CMYA5: variants seen among roughly 807,000 people sequenced by gnomAD.
CMYA5 encodes cardiomyopathy associated 5.
CMYA5 carries 246 observed loss-of-function variants against 318.9 expected under a neutral mutation model. The observed-to-expected ratio is 0.77, with a 90% CI of 0.70 to 0.86. The LOEUF is 0.86. Ranked by LOEUF, CMYA5 falls within the 40% of genes least tolerant of loss-of-function variation. The pLI, the probability that CMYA5 is intolerant of heterozygous loss-of-function variation, is 0.00. For synonymous variants in CMYA5, 1,641 were observed against 1,729.5 expected (o/e 0.95, Z 1.27); for missense variants, 4,589 against 4,678.2 (o/e 0.98, Z 0.56).
intron 1 of CMYA5, among the ~76,000 whole-genome samples, chr5:79,713,303 ACCC>A: frequency 5.8e-5 from 1 of 17,254 alleles, no homozygotes; most frequent in African/African-American, 2.4e-4. Context: ...CCCCGCCCCC[ACCC>A]CCCACCCGCC....
rs558707542 is a variant in CMYA5 at position 79,713,822 on chromosome 5, T to C, written c.150-15093T>C. Among the ~76,000 whole-genome samples, 22 of 152,240 alleles carry C rather than the reference T, an allele frequency of 1.4e-4. No homozygotes were observed. The South Asian group carries it at 2.1e-3, about 14-fold the overall frequency. On this transcript the variant is annotated intron_variant, in intron 1 of 12. Coordinates refer to ENST00000446378, the MANE Select transcript of CMYA5 (RefSeq NM_153610.5). ...ATGCATGCGGCCCACATGTAGTATT[T>C]TGGTTCGGGAGGAGTAGGGGTAGGA...
Position 79,723,588 on chromosome 5 carries a change from C to T in CMYA5, c.150-5327C>T, listed in dbSNP as rs1299043096. 3.3e-5 allele frequency among the ~76,000 whole-genome samples: 5 copies of T among 151,412 alleles called. No homozygotes were observed. In the East Asian group the frequency reaches 5.9e-4, roughly 18 times the overall value. ...AACAACCTGGTGACATGTCAAGACT[C>T]CTGTCTCTACAAAAAATTAAAATAT... On this transcript the variant is annotated intron_variant, in intron 1 of 12. Coordinates refer to ENST00000446378, the MANE Select transcript of CMYA5 (RefSeq NM_153610.5).
Position 79,733,144 on chromosome 5 carries a change from T to C in CMYA5, c.4379T>C (p.Leu1460Ser). 6.2e-7 allele frequency: 1 copy of C among 1,613,876 alleles called. No individual in the cohort carries two copies. Among genetic ancestry groups the C allele is most frequent in the Non-Finnish European group, 8.5e-7 (1 of 1,179,830 alleles). ...SVSSIAEHSV[L>S]SEVEAKEVKA... The stretch of plus-strand genomic sequence containing the variant: ...TCCTCTATAGCAGAGCATTCTGTTT[T>C]GTCAGAAGTAGAAGCCAAAGAAGTT... Residue 1460 changes from leucine to serine, a missense_variant, in exon 2 of 13, where the codon TTG becomes TCG. Physicochemically the swap from Leu to Ser is moderately radical, Grantham distance 145 (BLOSUM62 -2). This residue lies in a region of CMYA5 where 2,132 missense variants were observed against 2,131.3 expected (regional missense o/e 1.00). Coordinates refer to ENST00000446378, the MANE Select transcript of CMYA5 (RefSeq NM_153610.5).
At position 79,731,001 on chromosome 5, in the gene CMYA5, G is replaced by A. The variant is rs1283818275; in HGVS notation, c.2236G>A (p.Val746Met). 6.2e-7 allele frequency: 1 copy of A among 1,613,988 alleles called. No individual in the cohort carries two copies. Among genetic ancestry groups the A allele is most frequent in the Non-Finnish European group, 8.5e-7 (1 of 1,179,888 alleles). ...AGACACTGGATCGTTTACTCCAGCT[G>A]TGGCCCCTGCTTCTGAGCCCTCTCT... ...KEDTGSFTPA[V>M]APASEPSLSP... The change falls in exon 2 of 13, where the codon GTG becomes ATG. Residue 746 changes from valine to methionine, a missense_variant. Val to Met is a conservative substitution (Grantham distance 21). Transcript: ENST00000446378.
Position 79,712,969 on chromosome 5 carries a change from T to C in CMYA5, c.150-15946T>C, listed in dbSNP as rs564599716. ...ACAGCAGTGGCTGGCTTCTGCTCTGTGCTAATATTCAGTAGCTGTTGAAGA... is the reference window on the plus strand; with the variant it reads ...ACAGCAGTGGCTGGCTTCTGCTCTGCGCTAATATTCAGTAGCTGTTGAAGA... On this transcript the variant is annotated intron_variant, in intron 1 of 12. Transcript: ENST00000446378. Among the ~76,000 whole-genome samples the C allele has an allele frequency of 5.9e-5, 9 of 152,316 alleles. No homozygotes were observed. In the East Asian group the frequency reaches 1.5e-3, roughly 26 times the overall value.
rs754133181 is a variant in CMYA5 at position 79,734,082 on chromosome 5, C to T, written c.5317C>T (p.Pro1773Ser). Reference protein sequence around the residue: ...KGGNQEIGPLPPTGNLKAQVM... With the variant: ...KGGNQEIGPLSPTGNLKAQVM... ...AGGAAATCAAGAAATAGGCCCATTA[C>T]CACCAACTGGAAATTTGAAGGCACA... The change falls in exon 2 of 13, where the codon CCA (proline) becomes TCA (serine). Residue 1773 changes from proline (P) to serine (S), a missense_variant. By Grantham distance (74) the Pro-to-Ser change is moderately conservative (BLOSUM62 -1). Around this residue, in one of 3 missense-constraint regions of CMYA5, gnomAD observed 2,132 missense variants for 2,131.3 expected, o/e 1.00. Coordinates refer to ENST00000446378, the MANE Select transcript of CMYA5 (RefSeq NM_153610.5). The T allele has an allele frequency of 3.1e-6, 5 of 1,613,752 alleles. No individual in the cohort carries two copies. The highest frequency in any genetic ancestry group is 4.2e-6 in the Non-Finnish European group (5 of 1,179,828).
rs1828085046 is a variant in CMYA5, at chr5:79,736,925, T to A, written c.8160T>A (p.Thr2720=). 6.2e-7 allele frequency: 1 copy of A among 1,609,564 alleles called. No homozygotes were observed. ...AAAGTAAAGTTTTGGTGGAGAAAACTAAGACTTTCCTGCCAGTGGTTCTTT... is the reference window on the plus strand; with the variant it reads ...AAAGTAAAGTTTTGGTGGAGAAAACAAAGACTTTCCTGCCAGTGGTTCTTT... ...LEESKVLVEK[T]KTFLPVVLSC... Residue 2720 remains threonine, a synonymous_variant, in exon 2 of 13, where the codon ACT becomes ACA. Coordinates refer to ENST00000446378, the MANE Select transcript of CMYA5 (RefSeq NM_153610.5).
intron 1 of CMYA5, among the ~76,000 whole-genome samples, chr5:79,714,614 T>C (rs1234602196): frequency 6.6e-6 from 1 of 151,792 alleles, no homozygotes; most frequent in Non-Finnish European, 1.5e-5. Context: ...GTTTTTAGAA[T>C]TTTTTTGTAG....
At chr5:79,711,998 GGA>G (rs1827400492) in intron 1 of CMYA5, among the ~76,000 whole-genome samples, 1 of 152,130 alleles carries the variant, frequency 6.6e-6, no homozygotes, top group Non-Finnish European at 1.5e-5. Flanking sequence ...CTCCGTAGCT[GGA>G]GAGTGCCATC....
rs778448654 is a variant in CMYA5, at chr5:79,729,368, A to G, written c.603A>G (p.Thr201=). ...KARKKKTTSN[T]PPITGAIYKE... ...GAAAAAAGAAGACCACTTCAAATAC[A>G]CCTCCGATTACTGGGGCAATATACA... Residue 201 remains threonine, a synonymous_variant, in exon 2 of 13, where the codon ACA becomes ACG. Coordinates refer to ENST00000446378, the MANE Select transcript of CMYA5 (RefSeq NM_153610.5). 16 of 1,613,400 alleles carry G rather than the reference A, an allele frequency of 9.9e-6. No homozygotes were observed. Among genetic ancestry groups the G allele is most frequent in the Non-Finnish European group, 1.2e-5 (14 of 1,179,736 alleles).
intron 3 of CMYA5, among the ~76,000 whole-genome samples, chr5:79,744,479 G>GC (rs1434270924): frequency 2.0e-5 from 3 of 152,132 alleles, no homozygotes; most frequent in Non-Finnish European, 4.4e-5. Flanking sequence ...TACAGAGATG[G>GC]CCCAGGCACC....
At position 79,793,568 on chromosome 5, in the gene CMYA5, A is replaced by C. The variant is rs959112766; in HGVS notation, c.11921A>C (p.Gln3974Pro). Reference protein sequence around the residue: ...SSAVQAGALGQGETSWYMHCS... With the variant: ...SSAVQAGALGPGETSWYMHCS... ...GCTGTGCAGGCAGGTGCCCTAGGAC[A>C]AGGGGAGACCTCATGGTACATGCAC... The change falls in exon 12 of 13, where the codon CAA becomes CCA. Residue 3974 changes from glutamine to proline, a missense_variant. This residue lies in a region of CMYA5 where 2,431 missense variants were observed against 2,495.1 expected (regional missense o/e 0.97). Transcript: ENST00000446378. 2 of 1,613,666 alleles carry C rather than the reference A, an allele frequency of 1.2e-6. No individual in the cohort carries two copies. The highest frequency in any genetic ancestry group is 4.5e-5 in the East Asian group (2 of 44,874).
chr5:79,705,154 C>T (rs1827247873), intron 1 of CMYA5, among the ~76,000 whole-genome samples: 1 of 152,166 alleles, frequency 6.6e-6, no homozygotes, highest in African/African-American at 2.4e-5. Context: ...CGCCTGTAGT[C>T]CCAGCTACTC....
At chr5:79,700,316 G>A (rs1025872927) in intron 1 of CMYA5, among the ~76,000 whole-genome samples, 2 of 152,204 alleles carry the variant, frequency 1.3e-5, no homozygotes, top group Non-Finnish European at 2.9e-5. Flanking sequence ...TTCTGTAGGT[G>A]AGAGGTGCTG....
Position 79,735,292 on chromosome 5 carries a change from C to T in CMYA5, c.6527C>T (p.Ser2176Leu), listed in dbSNP as rs758387226. The change falls in exon 2 of 13, where the codon TCA (serine) becomes TTA (leucine). Residue 2176 changes from serine (S) to leucine (L), a missense_variant. Ser to Leu is a moderately radical substitution (Grantham distance 145). Around this residue, in one of 3 missense-constraint regions of CMYA5, gnomAD observed 2,431 missense variants for 2,495.1 expected, o/e 0.97. Transcript: ENST00000446378. ...GAGGAAAAGGGAAAGAAAGGAATTT[C>T]ATCTTTCAAATCGTGGATGTCCAGC... ...LPEEKGKKGI[S>L]SFKSWMSSLF... The T allele has an allele frequency of 6.8e-6, 11 of 1,613,840 alleles. No homozygotes were observed. The South Asian group carries it at 1.1e-4, about 16-fold the overall frequency.
chr5:79,768,660 T>A (rs1391640976), intron 9 of CMYA5, among the ~76,000 whole-genome samples: 1 of 152,210 alleles, frequency 6.6e-6, no homozygotes, highest in East Asian at 1.9e-4. Context: ...TGCAAAGAGA[T>A]CCGTTGTTAG....
At chr5:79,692,770 G>T (rs1826992331) in intron 1 of CMYA5, among the ~76,000 whole-genome samples, 1 of 152,154 alleles carries the variant, frequency 6.6e-6, no homozygotes, top group Admixed American at 6.5e-5. Flanking sequence ...GTCATTATTA[G>T]CAGGAAGGCT....
Position 79,729,038 on chromosome 5 carries a change from ATCT to A in CMYA5, c.277_279del (p.Ser93del). On this transcript the variant is annotated inframe_deletion, in exon 2 of 13. Coordinates refer to ENST00000446378, the MANE Select transcript of CMYA5 (RefSeq NM_153610.5). ...TAACCTGGGAAACCAATTCAAGTAGATCTTCTACTCCTTGGGCTTCAGAAGAAA... is the reference window on the plus strand; with the variant it reads ...TAACCTGGGAAACCAATTCAAGTAGATCTACTCCTTGGGCTTCAGAAGAAA... 1 of 1,613,980 alleles carries A rather than the reference ATCT, an allele frequency of 6.2e-7. No homozygotes were observed. The highest frequency in any genetic ancestry group is 8.5e-7 in the Non-Finnish European group (1 of 1,179,862).
At chr5:79,773,217 GT>G (rs1316185757) in intron 9 of CMYA5, among the ~76,000 whole-genome samples, 1 of 152,168 alleles carries the variant, frequency 6.6e-6, no homozygotes, top group African/African-American at 2.4e-5. Flanking sequence ...CAATAAATAT[GT>G]GTTACTGGAA....
Sources: allele counts gnomAD v4.1 joint callset (sites outside exome capture counted in the v4.1 genomes callset), GRCh38; gene constraint gnomAD v4.1.1; regional missense constraint gnomAD v4.1.1; transcripts MANE v1.5; gene names NCBI Gene and HGNC (gene_info 2026-07-23, HGNC 2026-07-21).